LDLRAD3: variants seen among roughly 807,000 people sequenced by gnomAD.
LDLRAD3 encodes low-density lipoprotein receptor class A domain-containing protein 3.
In LDLRAD3, 20 loss-of-function variants were observed where a neutral mutation model predicts 29.4. That is an observed-to-expected ratio of 0.68 (90% CI 0.48 to 0.99). LDLRAD3 has a LOEUF of 0.99. Among genes scored for constraint, LDLRAD3 ranks in the 50% least tolerant of loss-of-function variants. The pLI is 0.00. For missense variants in LDLRAD3, 420 were observed against 454.3 expected (o/e 0.92, Z 0.69); for synonymous variants, 157 against 192.7 (o/e 0.81, Z 1.53).
chr11:36,180,437 G>T (rs1044863073), intron 4 of LDLRAD3, among the ~76,000 whole-genome samples: 1 of 152,278 alleles, frequency 6.6e-6, no homozygotes, highest in East Asian at 1.9e-4. Context: ...CTTCATGGAC[G>T]TATAGTCTAG....
chr11:36,111,833 G>A (rs1242761070), intron 4 of LDLRAD3, among the ~76,000 whole-genome samples: 3 of 152,272 alleles, frequency 2.0e-5, no homozygotes, highest in Admixed American at 6.5e-5. Context: ...TCTTGACCTC[G>A]TGATCCACCT....
chr11:36,085,141 G>A (rs981748031), intron 3 of LDLRAD3, among the ~76,000 whole-genome samples: 1 of 152,100 alleles, frequency 6.6e-6, no homozygotes, highest in South Asian at 2.1e-4. Flanking sequence ...ATGTTAGCTT[G>A]CCTTCATCTG....
rs1055277613 is a variant in LDLRAD3 at position 36,223,944 on chromosome 11, T to G, written c.455-3141T>G. On this transcript the variant is annotated intron_variant, in intron 4 of 5. Coordinates refer to ENST00000315571, the MANE Select transcript of LDLRAD3 (RefSeq NM_174902.4). ...GATGATGAAAAATTCTGGAGCTGGATAGTGGTGATGGATGCACTATAACAT... is the reference window on the plus strand; with the variant it reads ...GATGATGAAAAATTCTGGAGCTGGAGAGTGGTGATGGATGCACTATAACAT... Among the ~76,000 whole-genome samples, 12 of 151,886 alleles carry G rather than the reference T, an allele frequency of 7.9e-5. No individual in the cohort carries two copies. In the East Asian group the frequency reaches 2.3e-3, roughly 29 times the overall value.
chr11:36,224,261 C>T (rs1300943723), intron 4 of LDLRAD3, among the ~76,000 whole-genome samples: 1 of 152,112 alleles, frequency 6.6e-6, no homozygotes, highest in East Asian at 1.9e-4. Context: ...TACCCAGGAC[C>T]ACCACCATTT....
At chr11:35,982,720 T>A (rs535888245) in intron 1 of LDLRAD3, among the ~76,000 whole-genome samples, 1 of 152,190 alleles carries the variant, frequency 6.6e-6, no homozygotes, top group Non-Finnish European at 1.5e-5. Context: ...TTGTGCAGCT[T>A]GAAGACAGCT....
At position 36,120,937 on chromosome 11, in the gene LDLRAD3, A is replaced by C. The variant is rs187948294; in HGVS notation, c.454+22476A>C. Among the ~76,000 whole-genome samples, 664 of 152,258 alleles carry C rather than the reference A, an allele frequency of 4.4e-3. 8 individuals are homozygous for C. The highest frequency in any genetic ancestry group is 4.5e-3 in the Non-Finnish European group (306 of 68,012). On this transcript the variant is annotated intron_variant, in intron 4 of 5. Coordinates refer to ENST00000315571, the MANE Select transcript of LDLRAD3 (RefSeq NM_174902.4). ...AGAAGACACTGTCTGTGAACCAGGAAATGGGCCCTCACCAGACCCTAATTC... is the reference window on the plus strand; with the variant it reads ...AGAAGACACTGTCTGTGAACCAGGACATGGGCCCTCACCAGACCCTAATTC...
intron 4 of LDLRAD3, among the ~76,000 whole-genome samples, chr11:36,110,465 A>G (rs1033559843): frequency 2.6e-5 from 4 of 152,130 alleles, no homozygotes; most frequent in African/African-American, 9.7e-5. Flanking sequence ...GATCAGGGGT[A>G]GGGCTTGCTG....
chr11:36,027,654 G>C (rs533882644), intron 1 of LDLRAD3, among the ~76,000 whole-genome samples: 2 of 152,316 alleles, frequency 1.3e-5, no homozygotes, highest in East Asian at 3.9e-4. Flanking sequence ...TATTTGCCCT[G>C]CCTGGAGGCA....
chr11:36,131,829 A>G (rs1202634600), intron 4 of LDLRAD3, among the ~76,000 whole-genome samples: 1 of 152,174 alleles, frequency 6.6e-6, no homozygotes, highest in African/African-American at 2.4e-5. Flanking sequence ...ATCTTGCCTC[A>G]TTGAACCCAC....
intron 4 of LDLRAD3, among the ~76,000 whole-genome samples, chr11:36,126,566 C>T (rs1853841001): frequency 6.6e-6 from 1 of 152,166 alleles, no homozygotes; most frequent in Non-Finnish European, 1.5e-5. Flanking sequence ...CAGTTGTTGG[C>T]TGTGCCTTTG....
intron 1 of LDLRAD3, among the ~76,000 whole-genome samples, chr11:36,022,507 TTG>T (rs1852110840): frequency 6.6e-6 from 1 of 152,154 alleles, no homozygotes; most frequent in Non-Finnish European, 1.5e-5. Flanking sequence ...TGTGACTACT[TTG>T]CTCCAATACC....
At chr11:36,120,564 G>A (rs1041582240) in intron 4 of LDLRAD3, among the ~76,000 whole-genome samples, 3 of 152,188 alleles carry the variant, frequency 2.0e-5, no homozygotes, top group South Asian at 2.1e-4. Flanking sequence ...ATGAGGCAGT[G>A]ATGAGTATCC....
intron 4 of LDLRAD3, among the ~76,000 whole-genome samples, chr11:36,144,532 T>G (rs1054869239): frequency 1.3e-5 from 2 of 149,842 alleles, no homozygotes; most frequent in Non-Finnish European, 3.0e-5. Flanking sequence ...GGAGCGCCTC[T>G]GCCCTGCCGC....
At chr11:36,089,683 T>G (rs963060394) in intron 3 of LDLRAD3, among the ~76,000 whole-genome samples, 10 of 152,274 alleles carry the variant, frequency 6.6e-5, no homozygotes, top group Non-Finnish European at 1.2e-4. Flanking sequence ...TCATTGTACC[T>G]TAGACACCTG....
Position 36,039,333 on chromosome 11 carries a change from T to G in LDLRAD3, c.193+3084T>G, listed in dbSNP as rs139001518. On this transcript the variant is annotated intron_variant, in intron 2 of 5. Coordinates refer to ENST00000315571, the MANE Select transcript of LDLRAD3 (RefSeq NM_174902.4). ...GGTGTGAGCCCTTGAGAAGGCCGATTTGTGTCAAAATCAGAGCCCTTCTTC... is the reference window on the plus strand; with the variant it reads ...GGTGTGAGCCCTTGAGAAGGCCGATGTGTGTCAAAATCAGAGCCCTTCTTC... 2.2e-4 allele frequency among the ~76,000 whole-genome samples: 33 copies of G among 152,290 alleles called. No homozygotes were observed. The East Asian group carries it at 5.6e-3, about 26-fold the overall frequency.
intron 1 of LDLRAD3, among the ~76,000 whole-genome samples, chr11:35,989,731 A>G (rs1851663950): frequency 6.6e-6 from 1 of 152,166 alleles, no homozygotes; most frequent in South Asian, 2.1e-4. Flanking sequence ...TAGAAATGCT[A>G]CTGATTTTTG....
chr11:36,092,559 T>G (rs1853299565), intron 3 of LDLRAD3, among the ~76,000 whole-genome samples: 1 of 152,228 alleles, frequency 6.6e-6, no homozygotes, highest in African/African-American at 2.4e-5. Context: ...GTTATCTATT[T>G]TTCCACTCTC....
At chr11:36,144,758 G>A (rs1353171933) in intron 4 of LDLRAD3, among the ~76,000 whole-genome samples, 4 of 138,288 alleles carry the variant, frequency 2.9e-5, no homozygotes, top group African/African-American at 1.1e-4. Flanking sequence ...GGAGGGAGGT[G>A]GGGGTCAGCC....
chr11:36,139,553 T>C (rs1854050108), intron 4 of LDLRAD3, among the ~76,000 whole-genome samples: 1 of 152,218 alleles, frequency 6.6e-6, no homozygotes, highest in Non-Finnish European at 1.5e-5. Flanking sequence ...GCTTCATGTA[T>C]ATTTTCTCTA....
Sources: allele counts gnomAD v4.1 joint callset (sites outside exome capture counted in the v4.1 genomes callset), GRCh38; gene constraint gnomAD v4.1.1; transcripts MANE v1.5; gene names NCBI Gene and HGNC (gene_info 2026-07-23, HGNC 2026-07-21).